The following ROBO2 variants were observed in gnomAD, a reference collection of about 807,000 sequenced individuals.
The protein encoded by ROBO2 is roundabout homolog 2.
Under a neutral mutation model 160.8 loss-of-function variants are expected in ROBO2, and 53 were observed. That is an observed-to-expected ratio of 0.33 (90% confidence interval 0.26 to 0.41). ROBO2 has a LOEUF of 0.41. Among genes scored for constraint, ROBO2 ranks in the 10% least tolerant of loss-of-function variants. The pLI is 1.00. For synonymous variants in ROBO2, 664 were observed against 611.7 expected (o/e 1.09, Z -1.26); for missense variants, 1,577 against 1,722.4 (o/e 0.92, Z 1.49).
chr3:76,598,973 A>G (rs939148312), intron 2 of ROBO2, among the ~76,000 whole-genome samples: 1 of 152,182 alleles, frequency 6.6e-6, no homozygotes, highest in African/African-American at 2.4e-5. Context: ...ACTGACTGTC[A>G]TTAAACACTT....
chr3:77,422,303 G>C (rs531287376), intron 2 of ROBO2, among the ~76,000 whole-genome samples: 9 of 152,080 alleles, frequency 5.9e-5, no homozygotes, highest in Non-Finnish European at 1.3e-4. Flanking sequence ...GTATCTTCTG[G>C]TGTCCAGGGA....
chr3:77,450,435 C>A (rs2081002718), intron 2 of ROBO2, among the ~76,000 whole-genome samples: 4 of 151,972 alleles, frequency 2.6e-5, no homozygotes, highest in African/African-American at 9.7e-5. Flanking sequence ...AGATAATAAT[C>A]CCTTGAAAAG....
At position 77,020,046 on chromosome 3, in the gene ROBO2, A is replaced by T. The variant is rs563577886; in HGVS notation, c.110-77968A>T. On this transcript the variant is annotated intron_variant, in intron 2 of 26. Transcript: ENST00000487694. ...GCTTAGCAGAGCACATACAGAGCCC[A>T]ACCATTTATTCTAGTCATTGTAATT... Among the ~76,000 whole-genome samples the T allele has an allele frequency of 5.3e-5, 8 of 152,316 alleles. No homozygotes were observed. In the South Asian group the frequency reaches 1.7e-3, roughly 32 times the overall value.
intron 2 of ROBO2, among the ~76,000 whole-genome samples, chr3:77,234,805 CTG>C (rs1308954525): frequency 6.6e-6 from 1 of 152,042 alleles, no homozygotes; most frequent in African/African-American, 2.4e-5. Context: ...CAAATAGTGT[CTG>C]TTTAGAGCTT....
chr3:77,567,037 G>A (rs2093503694), intron 12 of ROBO2, among the ~76,000 whole-genome samples: 1 of 151,274 alleles, frequency 6.6e-6, no homozygotes, highest in African/African-American at 2.4e-5. Context: ...CACATAAAGG[G>A]ACTTTTTTCA....
intron 2 of ROBO2, among the ~76,000 whole-genome samples, chr3:76,630,898 CA>C (rs1189560451): frequency 6.6e-6 from 1 of 152,022 alleles, no homozygotes; most frequent in Non-Finnish European, 1.5e-5. Flanking sequence ...ACAAGAGGTG[CA>C]AAGAAGGGGA....
chr3:76,803,772 A>T (rs979958608), intron 2 of ROBO2, among the ~76,000 whole-genome samples: 5 of 152,194 alleles, frequency 3.3e-5, no homozygotes, highest in African/African-American at 1.2e-4. Flanking sequence ...ACAAATTTAT[A>T]TAAGTGCTTT....
At chr3:76,686,684 T>C (rs573870798) in intron 2 of ROBO2, among the ~76,000 whole-genome samples, 1 of 152,188 alleles carries the variant, frequency 6.6e-6, no homozygotes, top group African/African-American at 2.4e-5. Context: ...CAGCCAGGTA[T>C]ACTGGCTCAT....
intron 1 of ROBO2, among the ~76,000 whole-genome samples, chr3:75,908,328 C>G (rs1402642028): frequency 2.0e-5 from 3 of 150,350 alleles, no homozygotes; most frequent in Non-Finnish European, 4.4e-5. Flanking sequence ...TTATTTTGTT[C>G]TTTCTTTAAT....
intron 2 of ROBO2, among the ~76,000 whole-genome samples, chr3:77,361,082 A>G (rs1266734333): frequency 1.3e-5 from 2 of 152,180 alleles, no homozygotes; most frequent in African/African-American, 4.8e-5. Context: ...GTTTATGCTC[A>G]TGCCTAGTTA....
intron 2 of ROBO2, among the ~76,000 whole-genome samples, chr3:75,959,943 C>A (rs988193406): frequency 6.6e-6 from 1 of 151,664 alleles, no homozygotes; most frequent in Non-Finnish European, 1.5e-5. Context: ...ACAGGACTCA[C>A]GTGTTTGTAT....
chr3:76,555,430 G>GAAAGA (rs1156538887), intron 2 of ROBO2, among the ~76,000 whole-genome samples: 1 of 67,970 alleles, frequency 1.5e-5, no homozygotes, highest in Non-Finnish European at 3.3e-5. Context: ...AGAAGGAGAA[G>GAAAGA]GGGAAGGGGA....
At chr3:77,205,782 C>T (rs1254621571) in intron 2 of ROBO2, among the ~76,000 whole-genome samples, 1 of 152,096 alleles carries the variant, frequency 6.6e-6, no homozygotes, top group Admixed American at 6.5e-5. Context: ...ATAAGGAACT[C>T]ACTTTGAGTG....
intron 2 of ROBO2, among the ~76,000 whole-genome samples, chr3:77,473,064 G>T (rs370862019): frequency 6.6e-6 from 1 of 151,922 alleles, no homozygotes; most frequent in Non-Finnish European, 1.5e-5. Flanking sequence ...GGTTCCGAGC[G>T]TATCTCCCAG....
intron 1 of ROBO2, among the ~76,000 whole-genome samples, chr3:75,915,293 TC>T (rs1946765599): frequency 6.6e-6 from 1 of 152,196 alleles, no homozygotes; most frequent in African/African-American, 2.4e-5. Flanking sequence ...ACTAACTCAT[TC>T]AAAAATTCAA....
At chr3:76,681,994 ATATGTGTGCCTGCAGTAGTG>A (rs2092575579) in intron 2 of ROBO2, among the ~76,000 whole-genome samples, 1 of 152,124 alleles carries the variant, frequency 6.6e-6, no homozygotes, top group Non-Finnish European at 1.5e-5. Flanking sequence ...ACGGGAGGTC[ATATGTGTGCCTGCAGTAGTG>A]AAGATGGGAA....
At chr3:77,324,582 A>G (rs2065161967) in intron 2 of ROBO2, among the ~76,000 whole-genome samples, 1 of 152,020 alleles carries the variant, frequency 6.6e-6, no homozygotes, top group Non-Finnish European at 1.5e-5. Flanking sequence ...GATCGAGACT[A>G]TCCTGGCTAA....
chr3:76,467,510 C>T (rs1487933251), intron 2 of ROBO2, among the ~76,000 whole-genome samples: 1 of 152,072 alleles, frequency 6.6e-6, no homozygotes, highest in Non-Finnish European at 1.5e-5. Flanking sequence ...GATGTCAAGT[C>T]GGAACCATGT....
At chr3:76,607,451 A>G (rs890087419) in intron 2 of ROBO2, among the ~76,000 whole-genome samples, 4 of 152,230 alleles carry the variant, frequency 2.6e-5, no homozygotes, top group Admixed American at 6.5e-5. Context: ...TACAAAGTTA[A>G]AAATAATATT....
Sources: gnomAD v4.1 joint callset for allele counts (sites outside exome capture counted in the v4.1 genomes callset) on GRCh38, gnomAD v4.1.1 for gene constraint, MANE v1.5 for transcripts, NCBI Gene and HGNC (gene_info 2026-07-23, HGNC 2026-07-21) for gene names.